MRPS27: variants seen among roughly 807,000 people sequenced by gnomAD.
MRPS27 encodes the protein mitochondrial ribosomal protein S27.
In MRPS27, 43 loss-of-function variants were observed where a neutral mutation model predicts 48.9. The observed-to-expected ratio is 0.88, with a 90% CI of 0.69 to 1.13. The LOEUF is 1.13. Ranked by LOEUF, MRPS27 falls within the 50% of genes most tolerant of loss-of-function variation. The probability of loss-of-function intolerance (pLI) is 0.00; values close to 1 mark genes in which losing one functional copy is unlikely to be tolerated. For missense variants in MRPS27, 467 were observed against 476.3 expected, an observed-to-expected ratio of 0.98 and a Z score of 0.18; for synonymous variants, 188 against 171.9, an observed-to-expected ratio of 1.09 and a Z score of -0.73.
At chr5:72,257,535 A>G (rs1748841993) in intron 4 of MRPS27, among the ~76,000 whole-genome samples, 1 of 152,198 alleles carries the variant, frequency 6.6e-6, no homozygotes, top group Non-Finnish European at 1.5e-5. Flanking sequence ...ATTCATGTGC[A>G]TGGGTTTCAT....
intron 4 of MRPS27, among the ~76,000 whole-genome samples, chr5:72,254,875 T>C (rs890579760): frequency 3.9e-5 from 6 of 152,116 alleles, no homozygotes; most frequent in Non-Finnish European, 8.8e-5. Flanking sequence ...AAATGTTTAA[T>C]GGTCTTTTGC....
intron 2 of MRPS27, among the ~76,000 whole-genome samples, chr5:72,313,716 GACC>G (rs1325054282): frequency 6.6e-6 from 1 of 152,116 alleles, no homozygotes; most frequent in Admixed American, 6.5e-5. Context: ...GGGCTCTGAA[GACC>G]ACAAGAGGAG....
chr5:72,230,864 T>C (rs781600213), intron 7 of MRPS27, among the ~76,000 whole-genome samples: 5 of 152,164 alleles, frequency 3.3e-5, no homozygotes, highest in Non-Finnish European at 7.4e-5. Flanking sequence ...ATGTGACCCC[T>C]GCTTCCCTGC....
chr5:72,272,684 C>T (rs193149051), intron 4 of MRPS27, among the ~76,000 whole-genome samples: 133 of 152,222 alleles, frequency 8.7e-4, no homozygotes, highest in African/African-American at 2.9e-3. Context: ...GCTGCAAGTA[C>T]GAGTATAGGC....
chr5:72,223,992 T>C, intron 9 of MRPS27, 142 bp from the exon 10 acceptor site: 1 of 849,902 alleles, frequency 1.2e-6, no homozygotes, highest in Non-Finnish European at 1.8e-6. Flanking sequence ...TTGTAGGAAA[T>C]ATAAATGGTT....
rs1397961281 is a variant in MRPS27 at position 72,320,195 on chromosome 5, C to G, written c.27G>C (p.Gly9=). The change falls in exon 1 of 11, where the codon GGG becomes GGC. Residue 9 remains glycine (G), a synonymous_variant. Coordinates refer to ENST00000261413, the MANE Select transcript of MRPS27 (RefSeq NM_015084.3). ...GAACCACTTGCCGCGCCAGGAGCAT[C>G]CCGCGCCGCACTATGGAGGCAGCCA... MAASIVRR[G]MLLARQVVLP... The G allele has an allele frequency of 1.2e-6, 2 of 1,613,940 alleles. No individual in the cohort carries two copies. The highest frequency in any genetic ancestry group is 1.7e-5 in the Admixed American group (1 of 60,022).
At chr5:72,247,888 A>G (rs1267085731) in intron 4 of MRPS27, among the ~76,000 whole-genome samples, 4 of 152,164 alleles carry the variant, frequency 2.6e-5, no homozygotes, top group Non-Finnish European at 5.9e-5. Context: ...GATATTAAGA[A>G]ATTACTTGAC....
At chr5:72,222,660 A>G (rs1244355584) in intron 10 of MRPS27, 5 of 152,176 alleles carry the variant, frequency 3.3e-5, no homozygotes, top group African/African-American at 1.2e-4. Flanking sequence ...AGCCTTTGTA[A>G]ATACACAAGA....
At chr5:72,297,920 A>G (rs1750023449) in intron 2 of MRPS27, among the ~76,000 whole-genome samples, 1 of 152,208 alleles carries the variant, frequency 6.6e-6, no homozygotes, top group East Asian at 1.9e-4. Flanking sequence ...ACTTTTTACC[A>G]TGTATTTAGC....
chr5:72,248,493 C>T (rs11949953), intron 4 of MRPS27, among the ~76,000 whole-genome samples: 101,779 of 151,780 alleles, frequency 0.67, 35,209 homozygotes, highest in African/African-American at 0.84. Flanking sequence ...ACATCTTTTA[C>T]TGCCTGAGAA....
intron 4 of MRPS27, among the ~76,000 whole-genome samples, chr5:72,289,376 C>T (rs942238637): frequency 4.6e-5 from 7 of 152,094 alleles, no homozygotes; most frequent in African/African-American, 1.7e-4. Flanking sequence ...TTCAGCATTC[C>T]CTACATGTTT....
intron 4 of MRPS27, among the ~76,000 whole-genome samples, chr5:72,295,094 A>T (rs1749941465): frequency 6.6e-6 from 1 of 152,050 alleles, no homozygotes; most frequent in Admixed American, 6.6e-5. Flanking sequence ...ATTGGCAAAA[A>T]AATGCAAACA....
intron 2 of MRPS27, among the ~76,000 whole-genome samples, chr5:72,304,095 G>A (rs1366365613): frequency 6.6e-6 from 1 of 152,084 alleles, no homozygotes; most frequent in Non-Finnish European, 1.5e-5. Flanking sequence ...GGTTAGATGT[G>A]TGTGTGTGGA....
intron 4 of MRPS27, among the ~76,000 whole-genome samples, chr5:72,239,349 A>G (rs1049621795): frequency 6.6e-6 from 1 of 152,162 alleles, no homozygotes; most frequent in Non-Finnish European, 1.5e-5. Context: ...TTAATTTAGG[A>G]TATCTATTAG....
chr5:72,241,773 C>T (rs1393220895), intron 4 of MRPS27: 14 of 1,337,348 alleles, frequency 1.0e-5, no homozygotes, highest in African/African-American at 1.4e-5. Context: ...CTTTTGTTCT[C>T]GCCTGCTCTG....
chr5:72,234,073 G>T, intron 6 of MRPS27, 46 bp downstream of exon 6: 1 of 1,436,526 alleles, frequency 7.0e-7, no homozygotes, highest in South Asian at 1.6e-5. Context: ...CCTCCCTTTG[G>T]GAGCTGGAAG....
intron 1 of MRPS27, among the ~76,000 whole-genome samples, chr5:72,316,607 A>AT (rs1750570685): frequency 6.6e-6 from 1 of 151,974 alleles, no homozygotes; most frequent in Admixed American, 6.6e-5. Flanking sequence ...ACCTTAGGAG[A>AT]TCCCCCAGCC....
chr5:72,237,423 C>T (rs1378234872), intron 5 of MRPS27, among the ~76,000 whole-genome samples: 1 of 152,086 alleles, frequency 6.6e-6, no homozygotes, highest in Non-Finnish European at 1.5e-5. Flanking sequence ...CTTTCAGGGT[C>T]CAGTGACATT....
At chr5:72,289,723 A>T (rs1405370522) in intron 4 of MRPS27, among the ~76,000 whole-genome samples, 1 of 152,326 alleles carries the variant, frequency 6.6e-6, no homozygotes, top group South Asian at 2.1e-4. Flanking sequence ...CTAAAAAAAA[A>T]TTTACATCCT....
Sources: allele counts gnomAD v4.1 joint callset (sites outside exome capture counted in the v4.1 genomes callset), GRCh38; gene constraint gnomAD v4.1.1; transcripts MANE v1.5; gene names NCBI Gene and HGNC (gene_info 2026-07-23, HGNC 2026-07-21).